SEMA5A: variants seen among roughly 807,000 people sequenced by gnomAD.
The protein encoded by SEMA5A is semaphorin 5A.
A neutral mutation model predicts 135.5 loss-of-function variants in SEMA5A; 55 were observed. The observed-to-expected ratio is 0.41, with a 90% CI of 0.33 to 0.51. The LOEUF is 0.51. Among genes scored for constraint, SEMA5A ranks in the 20% least tolerant of loss-of-function variants. SEMA5A has a pLI of 0.37. For missense variants in SEMA5A, 1,290 were observed against 1,419.9 expected, an observed-to-expected ratio of 0.91 and a Z score of 1.47; for synonymous variants, 580 against 546.5, an observed-to-expected ratio of 1.06 and a Z score of -0.85.
At chr5:9,461,192 G>A (rs969631297) in intron 1 of SEMA5A, among the ~76,000 whole-genome samples, 2 of 152,188 alleles carry the variant, frequency 1.3e-5, no homozygotes, top group African/African-American at 2.4e-5. Flanking sequence ...AGATCAGCTA[G>A]GAAACTATTG....
chr5:9,405,526 C>T (rs1756841537), intron 2 of SEMA5A, among the ~76,000 whole-genome samples: 1 of 152,124 alleles, frequency 6.6e-6, no homozygotes, highest in African/African-American at 2.4e-5. Flanking sequence ...GAATACTAGA[C>T]TCAAACCTGA....
chr5:9,135,688 G>T (rs540848096), intron 13 of SEMA5A, among the ~76,000 whole-genome samples: 1 of 152,266 alleles, frequency 6.6e-6, no homozygotes, highest in South Asian at 2.1e-4. Flanking sequence ...GCAGAGATCA[G>T]CAGTTTTGTA....
At chr5:9,537,076 T>C (rs1264157669) in intron 1 of SEMA5A, among the ~76,000 whole-genome samples, 1 of 152,198 alleles carries the variant, frequency 6.6e-6, no homozygotes, top group East Asian at 1.9e-4. Flanking sequence ...AGAAAATGGT[T>C]AGAAAAAGTA....
At chr5:9,140,957 T>G (rs186085515) in intron 12 of SEMA5A, among the ~76,000 whole-genome samples, 1 of 152,342 alleles carries the variant, frequency 6.6e-6, no homozygotes, top group Admixed American at 6.5e-5. Context: ...TCAAGCTGTT[T>G]TAAGTGGAAA....
chr5:9,444,878 T>C (rs887404513), intron 1 of SEMA5A, among the ~76,000 whole-genome samples: 5 of 152,168 alleles, frequency 3.3e-5, no homozygotes, highest in Non-Finnish European at 7.3e-5. Context: ...ACAGAATCTG[T>C]GCAGGACCCC....
intron 3 of SEMA5A, among the ~76,000 whole-genome samples, chr5:9,359,639 T>G (rs1221672919): frequency 6.6e-6 from 1 of 152,166 alleles, no homozygotes; most frequent in Non-Finnish European, 1.5e-5. Flanking sequence ...CTACAGCTGA[T>G]TTTGCTGGTT....
intron 2 of SEMA5A, among the ~76,000 whole-genome samples, chr5:9,430,498 T>G (rs924998687): frequency 2.6e-5 from 4 of 152,124 alleles, no homozygotes; most frequent in African/African-American, 9.7e-5. Flanking sequence ...ACACTGAACC[T>G]TATGGGACTC....
At chr5:9,050,257 C>T (rs565964083) in intron 21 of SEMA5A, among the ~76,000 whole-genome samples, 153 bp downstream of exon 21, 1 of 152,176 alleles carries the variant, frequency 6.6e-6, no homozygotes, top group Non-Finnish European at 1.5e-5. Flanking sequence ...ACTATTAAGC[C>T]TTTATGCCAA....
At chr5:9,192,621 T>C (rs1745175418) in intron 10 of SEMA5A, among the ~76,000 whole-genome samples, 6 of 152,268 alleles carry the variant, frequency 3.9e-5, no homozygotes, top group Middle Eastern at 3.4e-3. Flanking sequence ...ATAATTACAG[T>C]ATTAAATAGT....
chr5:9,212,097 G>A (rs1357150691), intron 8 of SEMA5A, among the ~76,000 whole-genome samples: 1 of 152,240 alleles, frequency 6.6e-6, no homozygotes, highest in Non-Finnish European at 1.5e-5. Flanking sequence ...TCATTTAGGA[G>A]TTAGTTTTTC....
chr5:9,408,212 A>G (rs1036647625), intron 2 of SEMA5A, among the ~76,000 whole-genome samples: 9 of 152,034 alleles, frequency 5.9e-5, no homozygotes, highest in African/African-American at 1.2e-4. Flanking sequence ...CACCACCACC[A>G]CCACTACAGC....
chr5:9,214,650 T>C (rs1746516781), intron 8 of SEMA5A, among the ~76,000 whole-genome samples: 1 of 152,190 alleles, frequency 6.6e-6, no homozygotes, highest in South Asian at 2.1e-4. Context: ...TATCATCATT[T>C]GCCTGAAGAT....
intron 5 of SEMA5A, among the ~76,000 whole-genome samples, chr5:9,278,288 CTGG>C (rs988901380): frequency 8.5e-5 from 13 of 152,106 alleles, no homozygotes; most frequent in Non-Finnish European, 1.8e-4. Context: ...CTTAGGGTAT[CTGG>C]TGGAAGACAT....
chr5:9,075,373 T>G (rs1479326544), intron 16 of SEMA5A, among the ~76,000 whole-genome samples: 4 of 151,864 alleles, frequency 2.6e-5, no homozygotes, highest in Non-Finnish European at 4.4e-5. Context: ...CACTTGTACC[T>G]GAATGTTCAC....
intron 13 of SEMA5A, among the ~76,000 whole-genome samples, chr5:9,129,406 G>T (rs1741283071): frequency 2.0e-5 from 3 of 152,210 alleles, no homozygotes; most frequent in South Asian, 4.1e-4. Flanking sequence ...CTACATTTCA[G>T]AATGAGGACT....
At chr5:9,269,489 T>A (rs1465803311) in intron 5 of SEMA5A, among the ~76,000 whole-genome samples, 5 of 152,138 alleles carry the variant, frequency 3.3e-5, no homozygotes, top group African/African-American at 9.7e-5. Context: ...GCCTCACCTG[T>A]CTAAGTTAGC....
chr5:9,332,759 T>G (rs1189816263), intron 4 of SEMA5A, among the ~76,000 whole-genome samples: 2 of 152,262 alleles, frequency 1.3e-5, no homozygotes, highest in Admixed American at 6.5e-5. Context: ...GTGCCTTTTG[T>G]TCCCTTGGTG....
intron 1 of SEMA5A, chr5:9,498,631 A>C (rs971642686): frequency 2.6e-5 from 4 of 152,124 alleles, no homozygotes; most frequent in African/African-American, 9.7e-5. Context: ...GCAGGGAATA[A>C]AACAGTGGGA....
At chr5:9,443,010 A>C (rs1410867076) in intron 1 of SEMA5A, among the ~76,000 whole-genome samples, 1 of 152,320 alleles carries the variant, frequency 6.6e-6, no homozygotes, top group Middle Eastern at 3.4e-3. Context: ...TGGAGGACCC[A>C]GCACTCAGAT....
Sources: gnomAD v4.1 joint callset for allele counts (sites outside exome capture counted in the v4.1 genomes callset) on GRCh38, gnomAD v4.1.1 for gene constraint, MANE v1.5 for transcripts, NCBI Gene and HGNC (gene_info 2026-07-23, HGNC 2026-07-21) for gene names.